PRKCH: variants seen among roughly 807,000 people sequenced by gnomAD.
The protein encoded by PRKCH is protein kinase C eta type.
In PRKCH, 28 loss-of-function variants were observed where a neutral mutation model predicts 82.5. That is an observed-to-expected ratio of 0.34 (90% CI 0.25 to 0.47). The LOEUF is 0.47. PRKCH is among the 20% of genes least tolerant of loss of function. The pLI is 1.00. For missense variants in PRKCH, 705 were observed against 881.8 expected, an observed-to-expected ratio of 0.80 and a Z score of 2.54; for synonymous variants, 322 against 327.4, an observed-to-expected ratio of 0.98 and a Z score of 0.18.
At chr14:61,266,158 CTGTAATCTCAGCACTT>C (rs1399404514) in intron 1 of PRKCH, among the ~76,000 whole-genome samples, 1 of 152,120 alleles carries the variant, frequency 6.6e-6, no homozygotes, top group Non-Finnish European at 1.5e-5. Context: ...TGGCTCATGC[CTGTAATCTCAGCACTT>C]TGGGAGGCTG....
chr14:61,468,686 C>A (rs1885369525), intron 9 of PRKCH, among the ~76,000 whole-genome samples: 1 of 151,836 alleles, frequency 6.6e-6, no homozygotes, highest in African/African-American at 2.4e-5. Flanking sequence ...CTGTTTTTTT[C>A]AGTTTGAGGT....
chr14:61,525,662 T>C (rs577456976), intron 10 of PRKCH: 20 of 152,336 alleles, frequency 1.3e-4, no homozygotes, highest in Admixed American at 1.3e-3. Flanking sequence ...AGTCACAAGC[T>C]CTTAAGCAAC....
At chr14:61,345,545 G>A (rs1200360690) in intron 1 of PRKCH, among the ~76,000 whole-genome samples, 1 of 152,202 alleles carries the variant, frequency 6.6e-6, no homozygotes, top group Non-Finnish European at 1.5e-5. Context: ...TTGGAGCAGG[G>A]AAGGCGAGCA....
chr14:61,312,432 A>G (rs889656928), intron 1 of PRKCH, among the ~76,000 whole-genome samples: 2 of 152,188 alleles, frequency 1.3e-5, no homozygotes, highest in Admixed American at 1.3e-4. Flanking sequence ...TATATTGAGA[A>G]AGTCTACAAT....
At chr14:61,515,326 G>A (rs1409380659) in intron 10 of PRKCH, among the ~76,000 whole-genome samples, 1 of 152,186 alleles carries the variant, frequency 6.6e-6, no homozygotes, top group Non-Finnish European at 1.5e-5. Flanking sequence ...CACTGTGGTG[G>A]TGTGGATGGC....
chr14:61,503,431 G>A (rs1482080565), intron 10 of PRKCH, among the ~76,000 whole-genome samples: 1 of 152,090 alleles, frequency 6.6e-6, no homozygotes, highest in Non-Finnish European at 1.5e-5. Context: ...GGCAGAATCT[G>A]TGCAGTCTTT....
chr14:61,412,099 A>C (rs1450952826), intron 2 of PRKCH, among the ~76,000 whole-genome samples: 2 of 152,206 alleles, frequency 1.3e-5, no homozygotes, highest in African/African-American at 4.8e-5. Context: ...ATTTTATAGA[A>C]ATACAAAACT....
At chr14:61,502,064 TC>T (rs151027339) in intron 10 of PRKCH, among the ~76,000 whole-genome samples, 78,344 of 101,864 alleles carry the variant, frequency 0.77, 30,255 homozygotes, top group Non-Finnish European at 0.81. Flanking sequence ...TCTTTTCTTT[TC>T]TTTTTTTTTT....
chr14:61,195,401 T>A (rs1232023887), intron 1 of PRKCH, among the ~76,000 whole-genome samples: 1 of 152,232 alleles, frequency 6.6e-6, no homozygotes, highest in Non-Finnish European at 1.5e-5. Context: ...AAAGTGCATT[T>A]TATAACTGAA....
Position 61,267,531 on chromosome 14 carries a change from A to G in PRKCH, c.-19+79863A>G, listed in dbSNP as rs80071009. On this transcript the variant is annotated intron_variant, in intron 1 of 3. Coordinates refer to the PRKCH transcript ENST00000555185. ...CCTGAAGGTTGGTTGGACTGAATCCAATAATTATAGTGAGATGCTGAAGGC... is the reference window on the plus strand; with the variant it reads ...CCTGAAGGTTGGTTGGACTGAATCCGATAATTATAGTGAGATGCTGAAGGC... Among the ~76,000 whole-genome samples the G allele has an allele frequency of 7.4e-3, 1,133 of 152,288 alleles. 43 individuals are homozygous for G. In the East Asian group the frequency reaches 0.11, roughly 14 times the overall value.
At position 61,330,084 on chromosome 14, in the gene PRKCH, C is replaced by T. The variant is rs118032445; in HGVS notation, c.363+7620C>T. Among the ~76,000 whole-genome samples, 584 of 152,260 alleles carry T rather than the reference C, an allele frequency of 3.8e-3. 2 individuals are homozygous for T. The highest frequency in any genetic ancestry group is 0.021 in the Middle Eastern group (6 of 292). On this transcript the variant is annotated intron_variant, in intron 1 of 13. Transcript: ENST00000332981. ...ACAGGACACACATGACCCATTCTTT[C>T]GTAGGGCTTGTAATTCCAAGGGGGA...
At chr14:61,351,983 C>G (rs2046081756) in intron 1 of PRKCH, among the ~76,000 whole-genome samples, 1 of 152,146 alleles carries the variant, frequency 6.6e-6, no homozygotes, top group Non-Finnish European at 1.5e-5. Context: ...GGAGAAGTTG[C>G]TTTCACGTTT....
intron 10 of PRKCH, among the ~76,000 whole-genome samples, chr14:61,513,715 A>G (rs2042780738): frequency 1.3e-5 from 2 of 152,136 alleles, no homozygotes; most frequent in African/African-American, 4.8e-5. Flanking sequence ...ATGTAGTATG[A>G]CAGTATGATA....
At chr14:61,466,664 G>A (rs1885273708) in intron 9 of PRKCH, among the ~76,000 whole-genome samples, 1 of 152,290 alleles carries the variant, frequency 6.6e-6, no homozygotes, top group East Asian at 1.9e-4. Flanking sequence ...TCACTAGCAG[G>A]CCCTGGGACT....
At chr14:61,378,605 C>T (rs1018368202) in intron 1 of PRKCH, among the ~76,000 whole-genome samples, 4 of 152,144 alleles carry the variant, frequency 2.6e-5, no homozygotes, top group Non-Finnish European at 5.9e-5. Flanking sequence ...TTTTCAGAAG[C>T]TGTTAAGGAC....
chr14:61,391,036 C>A (rs17834508), intron 1 of PRKCH, among the ~76,000 whole-genome samples, 189 bp from the exon 2 acceptor site: 1 of 152,128 alleles, frequency 6.6e-6, no homozygotes, highest in Admixed American at 6.5e-5. Context: ...AATGTGGTTT[C>A]TTTTCAGTCT....
intron 10 of PRKCH, among the ~76,000 whole-genome samples, chr14:61,506,494 C>T (rs1428649223): frequency 6.6e-6 from 1 of 152,068 alleles, no homozygotes; most frequent in African/African-American, 2.4e-5. Flanking sequence ...TGTGAACCCC[C>T]CTGGACTCTC....
chr14:61,275,554 C>G (rs1009158606), intron 1 of PRKCH, among the ~76,000 whole-genome samples: 1 of 152,140 alleles, frequency 6.6e-6, no homozygotes, highest in African/African-American at 2.4e-5. Context: ...AGGAAAAAGA[C>G]AAATCGCACT....
At chr14:61,236,284 A>G (rs1162839916) in intron 1 of PRKCH, among the ~76,000 whole-genome samples, 1 of 152,174 alleles carries the variant, frequency 6.6e-6, no homozygotes, top group Non-Finnish European at 1.5e-5. Flanking sequence ...AATAGGAGAT[A>G]GGTAAAATGA....
Sources: gnomAD v4.1 joint callset for allele counts (sites outside exome capture counted in the v4.1 genomes callset) on GRCh38, gnomAD v4.1.1 for gene constraint, MANE v1.5 for transcripts, NCBI Gene and HGNC (gene_info 2026-07-23, HGNC 2026-07-21) for gene names.